The following TBC1D1 variants were observed in gnomAD, a reference collection of about 807,000 sequenced individuals.
TBC1D1 encodes TBC1 domain family member 1.
TBC1D1 carries 89 observed loss-of-function variants against 125.6 expected under a neutral mutation model. That is an observed-to-expected ratio of 0.71 (90% CI 0.60 to 0.85). TBC1D1 has a LOEUF of 0.85. Ranked by LOEUF, TBC1D1 falls within the 40% of genes least tolerant of loss-of-function variation. The pLI is 0.00. For synonymous variants in TBC1D1, 565 were observed against 564.1 expected, an observed-to-expected ratio of 1.00 and a Z score of -0.02; for missense variants, 1,377 against 1,469.2, an observed-to-expected ratio of 0.94 and a Z score of 1.03.
chr4:38,119,045 C>CT (rs985435124), intron 17 of TBC1D1, among the ~76,000 whole-genome samples: 9 of 151,830 alleles, frequency 5.9e-5, no homozygotes, highest in East Asian at 1.9e-4. Context: ...AATTCAGGTT[C>CT]TTTTTTTTAT....
chr4:38,024,133 G>T (rs1299177340), intron 6 of TBC1D1, among the ~76,000 whole-genome samples: 1 of 152,210 alleles, frequency 6.6e-6, no homozygotes, highest in Non-Finnish European at 1.5e-5. Flanking sequence ...TCTTTAAAAT[G>T]AAGAAACATG....
chr4:37,958,892 C>G (rs1338876333), intron 2 of TBC1D1, among the ~76,000 whole-genome samples: 1 of 152,188 alleles, frequency 6.6e-6, no homozygotes, highest in Non-Finnish European at 1.5e-5. Flanking sequence ...ACACACTCTA[C>G]CCCACCAGTC....
chr4:38,060,517 ATCT>A, intron 12 of TBC1D1: 1 of 660,362 alleles, frequency 1.5e-6, no homozygotes, highest in Admixed American at 3.0e-5. Flanking sequence ...CTGTATGAAT[ATCT>A]TCTTTTGAGA....
At chr4:37,974,914 T>A (rs766122043) in intron 2 of TBC1D1, among the ~76,000 whole-genome samples, 1 of 152,050 alleles carries the variant, frequency 6.6e-6, no homozygotes, top group Non-Finnish European at 1.5e-5. Context: ...ACCACAAGGG[T>A]GGAAAAAAGA....
At position 37,895,524 on chromosome 4, in the gene TBC1D1, C is replaced by T. The variant is rs113693028; in HGVS notation, c.-94+4176C>T. On this transcript the variant is annotated intron_variant, in intron 1 of 19. Coordinates refer to ENST00000261439, the MANE Select transcript of TBC1D1 (RefSeq NM_015173.4). The stretch of plus-strand genomic sequence containing the variant: ...TTGGAGACCAGCCTGGCAAACATGA[C>T]GAAATCTCATCTCTACCAAAAATAC... Among the ~76,000 whole-genome samples, 118 of 152,128 alleles carry T rather than the reference C, an allele frequency of 7.8e-4. 1 individual carries two copies. Among genetic ancestry groups the T allele is most frequent in the African/African-American group, 2.4e-3 (101 of 41,500 alleles).
chr4:38,134,622 AG>A (rs1327181819), intron 19 of TBC1D1, among the ~76,000 whole-genome samples: 4 of 152,214 alleles, frequency 2.6e-5, no homozygotes, highest in African/African-American at 9.6e-5. Flanking sequence ...TTTGCATTGA[AG>A]TGTTTAGCTT....
At chr4:38,090,700 C>A (rs1245482887) in intron 13 of TBC1D1, among the ~76,000 whole-genome samples, 5 of 152,134 alleles carry the variant, frequency 3.3e-5, no homozygotes, top group African/African-American at 1.2e-4. Flanking sequence ...ATGTTATCTT[C>A]AAAGTAGCTT....
intron 18 of TBC1D1, among the ~76,000 whole-genome samples, chr4:38,129,175 C>G (rs1434348337): frequency 6.6e-6 from 1 of 152,180 alleles, no homozygotes; most frequent in African/African-American, 2.4e-5. Flanking sequence ...GTGGGCAACT[C>G]TGTTAGAAAC....
chr4:37,947,279 C>T (rs1277052893), intron 2 of TBC1D1, among the ~76,000 whole-genome samples: 3 of 152,188 alleles, frequency 2.0e-5, no homozygotes, highest in Non-Finnish European at 1.5e-5. Flanking sequence ...GCCTCAGCCT[C>T]CTGAATAGCT....
chr4:38,004,249 G>A (rs1320053499), intron 2 of TBC1D1, among the ~76,000 whole-genome samples: 1 of 152,160 alleles, frequency 6.6e-6, no homozygotes, highest in Non-Finnish European at 1.5e-5. Context: ...TTCTGTTTTA[G>A]TTACTGCTCC....
At chr4:37,919,889 G>A (rs1398933121) in intron 2 of TBC1D1, among the ~76,000 whole-genome samples, 1 of 152,156 alleles carries the variant, frequency 6.6e-6, no homozygotes, top group African/African-American at 2.4e-5. Flanking sequence ...GAGGGGGGCG[G>A]ATCATGAGGT....
At chr4:37,926,986 G>A (rs910199762) in intron 2 of TBC1D1, among the ~76,000 whole-genome samples, 1 of 152,084 alleles carries the variant, frequency 6.6e-6, no homozygotes, top group African/African-American at 2.4e-5. Context: ...GCATGGTGGC[G>A]CATGCCTGTA....
At position 38,137,502 on chromosome 4, in the gene TBC1D1, G is replaced by C. The variant is rs1381747741; in HGVS notation, c.*167G>C. The C allele has an allele frequency of 3.1e-6, 3 of 981,198 alleles. No homozygotes were observed. Among genetic ancestry groups the C allele is most frequent in the Non-Finnish European group, 4.1e-6 (3 of 740,444 alleles). The allele number at this position is 981,198 out of a possible 1,614,324, so 60.8% of individuals were successfully genotyped here. Reference sequence around the variant, plus strand: ...CGAACTCCAACTTGCAATTCAGGGGGCATGTCCCAGTGTTTTTTTTGTTGT... The same window carrying C: ...CGAACTCCAACTTGCAATTCAGGGGCCATGTCCCAGTGTTTTTTTTGTTGT... On this transcript the variant is annotated 3_prime_UTR_variant, in exon 20 of 20. Transcript: ENST00000261439.
chr4:37,891,968 A>G (rs1483524659), intron 1 of TBC1D1, among the ~76,000 whole-genome samples: 7 of 152,034 alleles, frequency 4.6e-5, no homozygotes. Context: ...AAATCCACCT[A>G]GATGTGGCTT....
intron 14 of TBC1D1, among the ~76,000 whole-genome samples, chr4:38,102,254 A>ATAATAATAG (rs1276460531): frequency 6.7e-6 from 1 of 149,416 alleles, no homozygotes; most frequent in Non-Finnish European, 1.5e-5. Context: ...AATAATAATA[A>ATAATAATAG]TAAAAAGAAA....
At chr4:38,057,902 C>T (rs1218445594) in intron 12 of TBC1D1, among the ~76,000 whole-genome samples, 1 of 152,194 alleles carries the variant, frequency 6.6e-6, no homozygotes, top group Non-Finnish European at 1.5e-5. Flanking sequence ...CTGTGCACAG[C>T]ACTGGGCTGC....
At chr4:38,065,667 A>C (rs1460943191) in intron 12 of TBC1D1, among the ~76,000 whole-genome samples, 1 of 119,248 alleles carries the variant, frequency 8.4e-6, no homozygotes, top group African/African-American at 3.6e-5. Flanking sequence ...TTTTTTTGAG[A>C]CAGAGTCTTG....
At chr4:38,111,174 G>A (rs1023869610) in intron 15 of TBC1D1, among the ~76,000 whole-genome samples, 6 of 152,208 alleles carry the variant, frequency 3.9e-5, no homozygotes, top group Non-Finnish European at 8.8e-5. Flanking sequence ...TGGATTATAC[G>A]AATGTGGATT....
intron 2 of TBC1D1, among the ~76,000 whole-genome samples, chr4:38,008,253 G>T (rs1327464721): frequency 5.3e-5 from 8 of 152,182 alleles, no homozygotes; most frequent in Non-Finnish European, 7.3e-5. Flanking sequence ...TATCCTTACA[G>T]TGCAATCTTC....
Sources: gnomAD v4.1 joint callset for allele counts (sites outside exome capture counted in the v4.1 genomes callset) on GRCh38, gnomAD v4.1.1 for gene constraint, MANE v1.5 for transcripts, NCBI Gene and HGNC (gene_info 2026-07-23, HGNC 2026-07-21) for gene names.